The following ANO1 variants were observed in gnomAD, a reference collection of about 807,000 sequenced individuals.
The protein encoded by ANO1 is anoctamin 1, also known as anoctamin-1.
ANO1 carries 59 observed loss-of-function variants against 124.0 expected under a neutral mutation model. The observed-to-expected ratio is 0.48, with a 90% CI of 0.39 to 0.59. The LOEUF (loss-of-function observed/expected upper bound fraction) is 0.59, where lower values mean the gene tolerates loss of function less well. Ranked by LOEUF, ANO1 falls within the 20% of genes least tolerant of loss-of-function variation. The probability of loss-of-function intolerance (pLI) is 0.00; values close to 1 mark genes in which losing one functional copy is unlikely to be tolerated. For synonymous variants in ANO1, 529 were observed against 532.0 expected, an observed-to-expected ratio of 0.99 and a Z score of 0.08; for missense variants, 1,059 against 1,328.0, an observed-to-expected ratio of 0.80 and a Z score of 3.15.
intron 10 of ANO1, chr11:70,129,637 T>C (rs1379887742): frequency 6.6e-6 from 1 of 151,978 alleles, no homozygotes; most frequent in African/African-American, 2.4e-5. Context: ...CCTTTTTTTT[T>C]TTTTGACACA....
the ANO1 span, among the ~76,000 whole-genome samples, chr11:69,977,437 A>T: frequency 6.6e-6 from 1 of 152,334 alleles, no homozygotes; most frequent in East Asian, 1.9e-4. Flanking sequence ...CGTGCTGCCG[A>T]CAGAGCAGTG....
chr11:70,187,640 T>G, intron 25 of ANO1, 98 bp from the exon 26 acceptor site: 2 of 1,435,410 alleles, frequency 1.4e-6, no homozygotes, highest in Non-Finnish European at 1.9e-6. Context: ...CAGGAGGTGG[T>G]GGGGTGGCAC....
chr11:70,098,569 G>T (rs919970835), intron 2 of ANO1, among the ~76,000 whole-genome samples: 2 of 152,330 alleles, frequency 1.3e-5, no homozygotes, highest in East Asian at 1.9e-4. Flanking sequence ...GCCCTCCAGG[G>T]TATGAAGCGG....
chr11:70,006,643 T>C (rs112631531), intron 1 of ANO1, among the ~76,000 whole-genome samples: 3,708 of 139,364 alleles, frequency 0.027, 176 homozygotes, highest in African/African-American at 0.094. Flanking sequence ...TTTTCTTTCT[T>C]CTTTCTTTCT....
At chr11:70,079,964 A>T (rs564617798) in intron 1 of ANO1, among the ~76,000 whole-genome samples, 1 of 148,516 alleles carries the variant, frequency 6.7e-6, no homozygotes, top group East Asian at 2.0e-4. Context: ...ATGGAGAGGG[A>T]GTCTACCTGT....
chr11:70,163,335 G>A lies in ANO1; in HGVS notation c.1945G>A (p.Glu649Lys). 1 of 1,614,024 alleles carries A rather than the reference G, an allele frequency of 6.2e-7. No homozygotes were observed. Among genetic ancestry groups the A allele is most frequent in the Non-Finnish European group, 8.5e-7 (1 of 1,179,906 alleles). Residue 649 changes from glutamate (E) to lysine (K), a missense_variant, in exon 19 of 26, where the codon GAA becomes AAA. Coordinates refer to ENST00000355303, the MANE Select transcript of ANO1 (RefSeq NM_018043.7). Reference protein sequence around the residue: ...YVYIFRSFRMEECAPGGCLME... With the variant: ...YVYIFRSFRMKECAPGGCLME... ...GTACATTTTCCGTTCCTTCCGAATG[G>A]AAGAGGTAACCGAAATTTTATTCAT...
Position 70,078,567 on chromosome 11 carries a change from G to A in ANO1, c.-40G>A, listed in dbSNP as rs1254577099. On this transcript the variant is annotated 5_prime_UTR_variant, in exon 1 of 26. Transcript: ENST00000355303. ...AGGCCGCCGGGGCCGTGGATGGGGA[G>A]GGCGCGCCGCCCGGCGGTCCCAGCG... 1.4e-6 allele frequency: 2 copies of A among 1,385,806 alleles called. No homozygotes were observed. Among genetic ancestry groups the A allele is most frequent in the Admixed American group, 2.4e-5 (1 of 42,024 alleles). 85.8% of individuals were successfully genotyped at this position (1,385,806 alleles called of 1,614,324 possible). A position where few individuals can be genotyped will look rare whatever the true frequency, so the allele number is the denominator to read the frequency against.
intron 18 of ANO1, among the ~76,000 whole-genome samples, chr11:70,162,203 C>G (rs970465853): frequency 3.4e-5 from 5 of 148,306 alleles, no homozygotes; most frequent in Non-Finnish European, 3.0e-5. Context: ...CAGTGCAGAC[C>G]CCGGGCAGTG....
Position 70,167,324 on chromosome 11 carries a change from C to T in ANO1, c.2134C>T (p.Arg712Trp), listed in dbSNP as rs201145411. The T allele has an allele frequency of 3.7e-6, 6 of 1,613,830 alleles. No homozygotes were observed. The highest frequency in any genetic ancestry group is 2.2e-5 in the East Asian group (1 of 44,874). The change falls in exon 21 of 26, where the codon CGG becomes TGG. Residue 712 changes from arginine to tryptophan, a missense_variant. Coordinates refer to ENST00000355303, the MANE Select transcript of ANO1 (RefSeq NM_018043.7). The stretch of plus-strand genomic sequence containing the variant: ...CGAGGAGTGTGTGAAGAGGAAACAG[C>T]GGTACGAGGTGGATTACAACCTGGA... ...DHEECVKRKQ[R>W]YEVDYNLEPF... is the part of the protein sequence containing the mutation.
chr11:70,123,699 C>G (rs532277782), intron 8 of ANO1, among the ~76,000 whole-genome samples: 125 of 152,288 alleles, frequency 8.2e-4, no homozygotes, highest in African/African-American at 2.9e-3. Flanking sequence ...TAGCCCTGGG[C>G]GGGCATGATG....
intron 21 of ANO1, 86 bp from the exon 22 acceptor site, chr11:70,170,801 G>C: frequency 6.6e-7 from 1 of 1,508,020 alleles, no homozygotes; most frequent in Non-Finnish European, 8.9e-7. Flanking sequence ...AGCCAGACCT[G>C]TGCGGCTCGG....
upstream of ANO1, among the ~76,000 whole-genome samples, chr11:70,073,448 C>T (rs904066018): frequency 1.9e-4 from 29 of 152,118 alleles, no homozygotes; most frequent in Non-Finnish European, 1.5e-4. Context: ...GAGCTTAGCA[C>T]GGTGCTGGCT....
chr11:70,135,319 C>G (rs2046916618), intron 11 of ANO1, among the ~76,000 whole-genome samples: 1 of 152,222 alleles, frequency 6.6e-6, no homozygotes, highest in South Asian at 2.1e-4. Context: ...GGACTCCACA[C>G]TTTGTTTTAG....
chr11:70,130,022 T>C (rs981764038), intron 10 of ANO1, among the ~76,000 whole-genome samples: 2 of 152,164 alleles, frequency 1.3e-5, no homozygotes, highest in African/African-American at 4.8e-5. Context: ...TTCAGAGCCT[T>C]GCAAGGGACG....
intron 1 of ANO1, among the ~76,000 whole-genome samples, chr11:70,083,457 T>C (rs753973859): frequency 2.0e-5 from 3 of 152,140 alleles, no homozygotes; most frequent in Non-Finnish European, 4.4e-5. Context: ...CCACCATGCA[T>C]GGGAAGTTAG....
At chr11:70,173,622 C>A (rs913470424) in intron 22 of ANO1, among the ~76,000 whole-genome samples, 1 of 152,186 alleles carries the variant, frequency 6.6e-6, no homozygotes, top group African/African-American at 2.4e-5. Flanking sequence ...GAGGTTTGCA[C>A]TTGTTTTCTG....
At chr11:70,040,578 G>A (rs568794768) in intron 1 of ANO1, among the ~76,000 whole-genome samples, 1 of 152,332 alleles carries the variant, frequency 6.6e-6, no homozygotes, top group Admixed American at 6.5e-5. Flanking sequence ...GGGAGGCCGA[G>A]ACATGACAAT....
chr11:70,122,164 A>C (rs1463956759), intron 8 of ANO1, among the ~76,000 whole-genome samples: 105 of 50,188 alleles, frequency 2.1e-3, no homozygotes, highest in East Asian at 2.5e-3. Context: ...CTCTCTCTCC[A>C]TCTCCCCCAC....
chr11:70,108,304 G>T, intron 5 of ANO1, 49 bp from the exon 6 acceptor site: 1 of 1,578,694 alleles, frequency 6.3e-7, no homozygotes, highest in Non-Finnish European at 8.7e-7. Context: ...TTCTGCTCGT[G>T]GAAGGTGCCT....
Sources: allele counts gnomAD v4.1 joint callset (sites outside exome capture counted in the v4.1 genomes callset), GRCh38; gene constraint gnomAD v4.1.1; transcripts MANE v1.5; gene names NCBI Gene and HGNC (gene_info 2026-07-23, HGNC 2026-07-21).